The following TRAF4 variants were observed in gnomAD, a reference collection of about 807,000 sequenced individuals.
The protein encoded by TRAF4 is TNF receptor associated factor 4, also known as TNF receptor-associated factor 4.
A neutral mutation model predicts 47.3 loss-of-function variants in TRAF4; 9 were observed. That is an observed-to-expected ratio of 0.19 (90% CI 0.11 to 0.33). The LOEUF is 0.33. Among genes scored for constraint, TRAF4 ranks in the 10% least tolerant of loss-of-function variants. The pLI, the probability that TRAF4 is intolerant of heterozygous loss-of-function variation, is 1.00. For missense variants in TRAF4, 448 were observed against 620.3 expected, an observed-to-expected ratio of 0.72 and a Z score of 2.95; for synonymous variants, 236 against 236.9, an observed-to-expected ratio of 1.00 and a Z score of 0.04.
At position 28,750,092 on chromosome 17, in the gene TRAF4, C is replaced by T; in HGVS notation, c.*515C>T. On this transcript the variant is annotated 3_prime_UTR_variant, in exon 7 of 7. Transcript: ENST00000262395. ...ATTGTATTTATTAATTTGCTTCCAG[C>T]CTGACTTACCTGGGTTGGTTAGGTC... 1 of 566,190 alleles carries T rather than the reference C, an allele frequency of 1.8e-6. No individual in the cohort carries two copies. Among genetic ancestry groups the T allele is most frequent in the Non-Finnish European group, 3.1e-6 (1 of 318,100 alleles). 35.1% of individuals were successfully genotyped at this position (566,190 alleles called of 1,614,324 possible).
At chr17:28,746,524 G>A (rs1011396968) in intron 1 of TRAF4, among the ~76,000 whole-genome samples, 3 of 152,226 alleles carry the variant, frequency 2.0e-5, no homozygotes, top group African/African-American at 7.2e-5. Flanking sequence ...TGTGTGTGTG[G>A]TGTAGTAGAG....
chr17:28,748,235 T>C, intron 4 of TRAF4, 27 bp from the exon 5 acceptor site: 1 of 1,612,598 alleles, frequency 6.2e-7, no homozygotes, highest in Non-Finnish European at 8.5e-7. Context: ...TAGGCATCTC[T>C]TAACTCAGCA....
intron 6 of TRAF4, 53 bp downstream of exon 6, chr17:28,748,719 G>A: frequency 6.3e-7 from 1 of 1,590,318 alleles, no homozygotes. Flanking sequence ...GCCCTAGACA[G>A]AGGCTCAGCT....
rs754487141 is a variant in TRAF4 at position 28,749,218 on chromosome 17, C to T, written c.1054C>T (p.Leu352Phe). Residue 352 changes from leucine (L) to phenylalanine (F), a missense_variant, in exon 7 of 7, where the codon CTC (leucine) becomes TTC (phenylalanine). By Grantham distance (22) the Leu-to-Phe change is conservative. Coordinates refer to ENST00000262395, the MANE Select transcript of TRAF4 (RefSeq NM_004295.4). Reference protein sequence around the residue: ...YGYKLQVSAFLNGNGSGEGTH... With the variant: ...YGYKLQVSAFFNGNGSGEGTH... ...TTACAAGCTGCAGGTGTCTGCATTC[C>T]TCAATGGCAATGGCAGTGGTGAGGG... 4 of 1,614,132 alleles carry T rather than the reference C, an allele frequency of 2.5e-6. No homozygotes were observed. The highest frequency in any genetic ancestry group is 1.7e-5 in the Admixed American group (1 of 60,034).
intron 1 of TRAF4, chr17:28,745,397 C>G (rs1322491892): frequency 2.0e-5 from 3 of 152,552 alleles, no homozygotes; most frequent in Admixed American, 6.5e-5. Context: ...GACACAGCCC[C>G]ATTGTCTCCG....
chr17:28,748,431 C>A lies in TRAF4; in HGVS notation c.624+8C>A, dbSNP rs1173033611. ...GTCTTTGACACCATCCAGGTGAGGCCTTCCCTGAACTGTGGGTTGCAGGGT... is the reference window on the plus strand; with the variant it reads ...GTCTTTGACACCATCCAGGTGAGGCATTCCCTGAACTGTGGGTTGCAGGGT... On this transcript the variant is annotated splice_region_variant and intron_variant, in intron 5 of 6. Transcript: ENST00000262395. 6.2e-7 allele frequency: 1 copy of A among 1,605,092 alleles called. No individual in the cohort carries two copies. The highest frequency in any genetic ancestry group is 8.5e-7 in the Non-Finnish European group (1 of 1,173,030).
intron 1 of TRAF4, chr17:28,744,634 C>A: frequency 4.5e-6 from 1 of 220,354 alleles, no homozygotes; most frequent in Non-Finnish European, 9.2e-6. Context: ...GGAGCTTTCC[C>A]CCATCTAACC....
At chr17:28,747,113 C>G (rs534180456) in intron 1 of TRAF4, 100 bp from the exon 2 acceptor site, 1 of 1,376,952 alleles carries the variant, frequency 7.3e-7, no homozygotes, top group East Asian at 2.3e-5. Flanking sequence ...GGTTGGGAAC[C>G]GGTCTGGTGA....
At position 28,744,013 on chromosome 17, in the gene TRAF4, T is replaced by G; in HGVS notation, c.-100T>G. On this transcript the variant is annotated 5_prime_UTR_variant, in exon 1 of 7. Coordinates refer to ENST00000262395, the MANE Select transcript of TRAF4 (RefSeq NM_004295.4). ...GCCGAGCCCTGGCCGCGACCGCCAG[T>G]CGGCGCCGCCCGGAGCCGGGAGCGC... is the stretch of plus-strand genomic sequence containing the variant. The G allele has an allele frequency of 9.9e-7, 1 of 1,008,010 alleles. No homozygotes were observed. The highest frequency in any genetic ancestry group is 1.2e-6 in the Non-Finnish European group (1 of 846,402). 62.4% of individuals were successfully genotyped at this position (1,008,010 alleles called of 1,614,324 possible).
chr17:28,744,800 A>G (rs2034483058), intron 1 of TRAF4: 1 of 154,332 alleles, frequency 6.5e-6, no homozygotes, highest in African/African-American at 2.4e-5. Flanking sequence ...TTATGATCAC[A>G]CAATGGAGGA....
chr17:28,750,434 A>G lies in TRAF4; in HGVS notation c.*857A>G, dbSNP rs562143519. On this transcript the variant is annotated 3_prime_UTR_variant, in exon 7 of 7. Coordinates refer to ENST00000262395, the MANE Select transcript of TRAF4 (RefSeq NM_004295.4). Reference sequence around the variant, plus strand: ...CACTGCTAAGCACTTTACGTGCATTATTATTTCATTGAAAAGAACTGTCAA... The same window carrying G: ...CACTGCTAAGCACTTTACGTGCATTGTTATTTCATTGAAAAGAACTGTCAA... The G allele has an allele frequency of 1.3e-5, 2 of 153,224 alleles. No homozygotes were observed. Among genetic ancestry groups the G allele is most frequent in the South Asian group, 4.1e-4 (2 of 4,888 alleles). The allele number at this position is 153,224 out of a possible 1,614,324, so 9.5% of individuals were successfully genotyped here.
chr17:28,748,290 G>C lies in TRAF4; in HGVS notation c.491G>C (p.Ser164Thr). Reference sequence around the variant, plus strand: ...CATGAGGGTATGTGCCCCCAGGAGAGTGTCTACTGTGAGAATAAGTGTGGT... The same window carrying C: ...CATGAGGGTATGTGCCCCCAGGAGACTGTCTACTGTGAGAATAAGTGTGGT... ...ESHEGMCPQE[S>T]VYCENKCGAR... The change falls in exon 5 of 7, where the codon AGT becomes ACT. Residue 164 changes from serine to threonine, a missense_variant. By Grantham distance (58) the Ser-to-Thr change is moderately conservative (BLOSUM62 1). Transcript: ENST00000262395. 1.2e-6 allele frequency: 2 copies of C among 1,613,854 alleles called. No individual in the cohort carries two copies. The highest frequency in any genetic ancestry group is 8.5e-7 in the Non-Finnish European group (1 of 1,179,900).
At chr17:28,744,689 C>T (rs2034481317) in intron 1 of TRAF4, 1 of 171,760 alleles carries the variant, frequency 5.8e-6, no homozygotes, top group Non-Finnish European at 1.3e-5. Flanking sequence ...CTATTGTTCT[C>T]CCATTTCACA....
At position 28,747,971 on chromosome 17, in the gene TRAF4, G is replaced by A. The variant is rs770947707; in HGVS notation, c.300+24G>A. ...AGGTGAGGCTCTGATGTGAGGGCTG[G>A]CACCACCTCTCCCTTGGCAGGCACT... On this transcript the variant is annotated intron_variant, in intron 3 of 6. Transcript: ENST00000262395. 1.9e-6 allele frequency: 3 copies of A among 1,614,172 alleles called. No homozygotes were observed. In the South Asian group the frequency reaches 3.3e-5, roughly 18 times the overall value.
At chr17:28,745,173 A>T in intron 1 of TRAF4, 1 of 152,440 alleles carries the variant, frequency 6.6e-6, no homozygotes. Flanking sequence ...CCTGGCAGGG[A>T]TAGTACCTCT....
chr17:28,746,952 G>A (rs914224555), intron 1 of TRAF4: 13 of 385,526 alleles, frequency 3.4e-5, no homozygotes, highest in Non-Finnish European at 5.5e-5. Context: ...GGTGCCAGCT[G>A]CCACCTGTTG....
intron 2 of TRAF4, chr17:28,747,482 C>T (rs2034533059): frequency 3.3e-6 from 2 of 598,006 alleles, no homozygotes; most frequent in Non-Finnish European, 5.8e-6. Flanking sequence ...TAGGGGTGCA[C>T]AGAGCTGCTC....
rs2034565873 is a variant in TRAF4, at chr17:28,749,295, C to T, written c.1131C>T (p.Leu377=). The T allele has an allele frequency of 6.2e-7, 1 of 1,613,974 alleles. No individual in the cohort carries two copies. Among genetic ancestry groups the T allele is most frequent in the Non-Finnish European group, 8.5e-7 (1 of 1,180,056 alleles). The stretch of plus-strand genomic sequence containing the variant: ...TGCTGCCTGGTGCCTTTGACAATCT[C>T]CTTGAGTGGCCCTTTGCCCGCCGTG... ...IRVLPGAFDN[L]LEWPFARRVT... is the part of the protein sequence containing the mutation. Residue 377 remains leucine (L), a synonymous_variant, in exon 7 of 7, where the codon CTC becomes CTT. Coordinates refer to ENST00000262395, the MANE Select transcript of TRAF4 (RefSeq NM_004295.4).
Sources: allele counts gnomAD v4.1 joint callset (sites outside exome capture counted in the v4.1 genomes callset), GRCh38; gene constraint gnomAD v4.1.1; transcripts MANE v1.5; gene names NCBI Gene and HGNC (gene_info 2026-07-23, HGNC 2026-07-21).